OPCML: variants seen among roughly 807,000 people sequenced by gnomAD.
OPCML encodes the protein opioid-binding protein/cell adhesion molecule.
In OPCML, 13 loss-of-function variants were observed where a neutral mutation model predicts 37.8. That is an observed-to-expected ratio of 0.34 (90% CI 0.22 to 0.55). The LOEUF (loss-of-function observed/expected upper bound fraction) is 0.55. Ranked by LOEUF, OPCML falls within the 20% of genes least tolerant of loss-of-function variation. OPCML has a pLI of 0.91. For synonymous variants in OPCML, 176 were observed against 168.8 expected (o/e 1.04, Z -0.33); for missense variants, 341 against 435.6 (o/e 0.78, Z 1.93).
rs952768877 is a variant in OPCML, at chr11:132,965,769, G to T, written c.62-22759C>A. ...GATGGTCTCCACCTCTGAACCTTGT[G>T]ATGGATCTGCCTTGGCCTCCCAAAG... On this transcript the variant is annotated intron_variant, in intron 1 of 7. Coordinates refer to ENST00000524381, the MANE Select transcript of OPCML (RefSeq NM_001012393.5). Among the ~76,000 whole-genome samples the T allele has an allele frequency of 6.6e-5, 10 of 152,278 alleles. No homozygotes were observed. The East Asian group carries it at 1.9e-3, about 29-fold the overall frequency.
At chr11:132,914,026 T>C (rs530982065) in intron 2 of OPCML, among the ~76,000 whole-genome samples, 1 of 152,320 alleles carries the variant, frequency 6.6e-6, no homozygotes, top group Admixed American at 6.5e-5. Context: ...AAGGACAACT[T>C]GATTGTCTCA....
chr11:133,194,465 C>A (rs536568021), intron 1 of OPCML, among the ~76,000 whole-genome samples: 19 of 152,276 alleles, frequency 1.2e-4, no homozygotes, highest in African/African-American at 4.3e-4. Context: ...CCACCTTGGC[C>A]TCCCAAAGTG....
intron 1 of OPCML, among the ~76,000 whole-genome samples, chr11:133,497,627 G>C (rs1164334422): frequency 6.6e-6 from 1 of 152,074 alleles, no homozygotes; most frequent in Non-Finnish European, 1.5e-5. Flanking sequence ...TTCTCCTTTG[G>C]GCCCTCATGC....
At chr11:132,509,763 C>T (rs557398343) in intron 4 of OPCML, among the ~76,000 whole-genome samples, 2 of 152,294 alleles carry the variant, frequency 1.3e-5, no homozygotes, top group East Asian at 3.9e-4. Context: ...CTTGGATGCC[C>T]AGGCAAAAGT....
intron 2 of OPCML, among the ~76,000 whole-genome samples, chr11:132,849,649 C>T (rs1030927285): frequency 2.0e-5 from 3 of 149,836 alleles, no homozygotes; most frequent in Non-Finnish European, 4.5e-5. Context: ...TAAAATCAGG[C>T]ATTAAGCCAT....
rs56150162 is a variant in OPCML, at chr11:132,866,562, C to T, written c.146+76364G>A. 7.8e-3 allele frequency among the ~76,000 whole-genome samples: 1,186 copies of T among 152,234 alleles called. 23 individuals are homozygous for T. The highest frequency in any genetic ancestry group is 0.026 in the African/African-American group (1,078 of 41,530). On this transcript the variant is annotated intron_variant, in intron 2 of 7. Coordinates refer to ENST00000524381, the MANE Select transcript of OPCML (RefSeq NM_001012393.5). ...ATCATCATAATCGACAAGGAACAAT[C>T]GTGGATTTTGAAATTTGTGTTTGTG...
chr11:132,640,396 G>T (rs147936394), intron 3 of OPCML, among the ~76,000 whole-genome samples: 62 of 152,258 alleles, frequency 4.1e-4, no homozygotes, highest in African/African-American at 1.4e-3. Context: ...TTGGTCATTA[G>T]CATCAGCCAC....
intron 4 of OPCML, among the ~76,000 whole-genome samples, chr11:132,446,688 A>T (rs4245106): frequency 0.048 from 7,317 of 152,190 alleles, 425 homozygotes; most frequent in East Asian, 0.17. Flanking sequence ...CTAAACCAAC[A>T]GGGTTACTTT....
intron 1 of OPCML, among the ~76,000 whole-genome samples, chr11:133,411,326 G>T (rs2136867896): frequency 6.6e-6 from 1 of 152,156 alleles, no homozygotes; most frequent in East Asian, 1.9e-4. Context: ...TTCCACATCT[G>T]AGTTTTTGGA....
chr11:132,856,518 A>C (rs1239639660), intron 2 of OPCML, among the ~76,000 whole-genome samples: 1 of 152,202 alleles, frequency 6.6e-6, no homozygotes, highest in Non-Finnish European at 1.5e-5. Flanking sequence ...AGCACCAGGG[A>C]AAGACAGTCT....
chr11:132,555,722 C>T (rs982250796), intron 3 of OPCML, among the ~76,000 whole-genome samples: 24 of 152,030 alleles, frequency 1.6e-4, no homozygotes, highest in Admixed American at 1.6e-3. Context: ...CAACCATGCC[C>T]CCTTCATCCA....
At chr11:132,737,393 C>T (rs1242649518) in intron 2 of OPCML, among the ~76,000 whole-genome samples, 1 of 152,066 alleles carries the variant, frequency 6.6e-6, no homozygotes, top group African/African-American at 2.4e-5. Flanking sequence ...ACGATCCCAA[C>T]TTTTCGACAC....
intron 3 of OPCML, among the ~76,000 whole-genome samples, chr11:132,626,818 C>CTCTT (rs1400417222): frequency 8.3e-5 from 2 of 24,126 alleles, no homozygotes; most frequent in Non-Finnish European, 3.1e-4. Context: ...AAGTTTCTCT[C>CTCTT]TCTCTCTCTC....
At chr11:132,495,640 C>T (rs1317411860) in intron 4 of OPCML, among the ~76,000 whole-genome samples, 1 of 152,066 alleles carries the variant, frequency 6.6e-6, no homozygotes, top group East Asian at 1.9e-4. Context: ...GCCTATAATC[C>T]CAGCACTTTG....
Position 132,621,626 on chromosome 11 carries a change from G to T in OPCML, c.379+35461C>A, listed in dbSNP as rs141628889. ...GATGATGTTTGGGGAGGGATTAAAT[G>T]GGAAAGGGCGTGATTAGAGCTTCTG... On this transcript the variant is annotated intron_variant, in intron 3 of 7. Coordinates refer to ENST00000524381, the MANE Select transcript of OPCML (RefSeq NM_001012393.5). Among the ~76,000 whole-genome samples, 232 of 152,290 alleles carry T rather than the reference G, an allele frequency of 1.5e-3. 2 individuals are homozygous for T. In the East Asian group the frequency reaches 0.018, roughly 12 times the overall value.
chr11:132,811,698 T>C (rs1045818686), intron 2 of OPCML, among the ~76,000 whole-genome samples: 1 of 152,032 alleles, frequency 6.6e-6, no homozygotes, highest in East Asian at 1.9e-4. Context: ...TGCCTTAGAG[T>C]GTCGGCAACC....
chr11:132,464,047 A>G (rs1242482544), intron 4 of OPCML, among the ~76,000 whole-genome samples: 3 of 152,360 alleles, frequency 2.0e-5, no homozygotes, highest in African/African-American at 7.2e-5. Context: ...AACTTAGCAC[A>G]TAAACAAAAT....
intron 4 of OPCML, among the ~76,000 whole-genome samples, chr11:132,472,031 C>T (rs1565590928): frequency 6.6e-6 from 1 of 152,194 alleles, no homozygotes; most frequent in Non-Finnish European, 1.5e-5. Context: ...CTGGAAGGCC[C>T]TCCCTTTTCC....
At chr11:132,920,979 C>T (rs1387907188) in intron 2 of OPCML, among the ~76,000 whole-genome samples, 1 of 152,140 alleles carries the variant, frequency 6.6e-6, no homozygotes, top group African/African-American at 2.4e-5. Flanking sequence ...CTTGCCTGAC[C>T]CCCTCAGCTC....
Sources: gnomAD v4.1 joint callset for allele counts (sites outside exome capture counted in the v4.1 genomes callset) on GRCh38, gnomAD v4.1.1 for gene constraint, MANE v1.5 for transcripts, NCBI Gene and HGNC (gene_info 2026-07-23, HGNC 2026-07-21) for gene names.